RNF32: variants seen among roughly 807,000 people sequenced by gnomAD.
RNF32 encodes the protein ring finger protein 32.
RNF32 carries 36 observed loss-of-function variants against 41.0 expected under a neutral mutation model. That is an observed-to-expected ratio of 0.88 (90% CI 0.67 to 1.16). The LOEUF (loss-of-function observed/expected upper bound fraction) is 1.16. RNF32 is among the 50% of genes most tolerant of loss of function. RNF32 has a pLI of 0.00. For synonymous variants in RNF32, 154 were observed against 160.9 expected (o/e 0.96, Z 0.32); for missense variants, 413 against 436.7 (o/e 0.95, Z 0.48).
intron 4 of RNF32, among the ~76,000 whole-genome samples, chr7:156,656,542 G>C (rs942554910): frequency 6.6e-6 from 1 of 152,110 alleles, no homozygotes; most frequent in Non-Finnish European, 1.5e-5. Flanking sequence ...TTCAAGAAAA[G>C]GTTTTACAAC....
Position 156,657,546 on chromosome 7 carries a change from G to A in RNF32, c.423G>A (p.Leu141=). 6.2e-7 allele frequency: 1 copy of A among 1,614,162 alleles called. No individual in the cohort carries two copies. Among genetic ancestry groups the A allele is most frequent in the Non-Finnish European group, 8.5e-7 (1 of 1,180,002 alleles). ...TTCTGTTTCCTCATGAACAGGTGCTGCTTTCATGCTCCCATGTGTTCCACA... is the reference window on the plus strand; with the variant it reads ...TTCTGTTTCCTCATGAACAGGTGCTACTTTCATGCTCCCATGTGTTCCACA... ...KEEFELRPQV[L]LSCSHVFHKA... Residue 141 remains leucine (L), a synonymous_variant, in exon 5 of 9, where the codon CTG becomes CTA. Coordinates refer to ENST00000317955, the MANE Select transcript of RNF32 (RefSeq NM_030936.4).
intron 1 of RNF32, among the ~76,000 whole-genome samples, chr7:156,642,616 T>TA (rs1309473573): frequency 6.6e-6 from 1 of 152,236 alleles, no homozygotes; most frequent in Non-Finnish European, 1.5e-5. Context: ...CCAACCTGCT[T>TA]ATTCCAGTTC....
chr7:156,640,232 A>G (rs1480366815), upstream of RNF32: 2 of 449,056 alleles, frequency 4.5e-6, no homozygotes, highest in Non-Finnish European at 8.9e-6. Context: ...CCCCCAGAAA[A>G]CTGCCCTCGA....
At chr7:156,660,359 A>T in intron 7 of RNF32, 1 of 926,804 alleles carries the variant, frequency 1.1e-6, no homozygotes, top group South Asian at 5.0e-5. Context: ...TAGCTTGTAT[A>T]TTACAAATGT....
At chr7:156,667,211 G>A (rs1801465155) in intron 7 of RNF32, among the ~76,000 whole-genome samples, 1 of 152,150 alleles carries the variant, frequency 6.6e-6, no homozygotes, top group Non-Finnish European at 1.5e-5. Flanking sequence ...TAAATTCCAG[G>A]CTTTTCATTT....
chr7:156,643,024 C>T (rs1049667977), intron 1 of RNF32: 1 of 152,220 alleles, frequency 6.6e-6, no homozygotes. Context: ...TGTCCAAAAT[C>T]TAAAAGGGCC....
At chr7:156,676,162 G>C (rs1038691252) in intron 8 of RNF32, 1 of 1,135,978 alleles carries the variant, frequency 8.8e-7, no homozygotes, top group Middle Eastern at 2.9e-4. Context: ...TGAAATTCTG[G>C]AAGTTCCTGT....
At chr7:156,661,467 C>T (rs1464643732) in intron 7 of RNF32, among the ~76,000 whole-genome samples, 1 of 152,074 alleles carries the variant, frequency 6.6e-6, no homozygotes, top group Non-Finnish European at 1.5e-5. Context: ...TTACAGGCAC[C>T]CGCCATCATG....
intron 7 of RNF32, among the ~76,000 whole-genome samples, chr7:156,663,201 T>C (rs1234909605): frequency 1.3e-5 from 2 of 152,200 alleles, no homozygotes; most frequent in African/African-American, 4.8e-5. Flanking sequence ...CATTAAAAAC[T>C]ATGTGTCAAA....
rs1484127022 is a variant in RNF32 at position 156,669,087 on chromosome 7, T to C, written c.685-6609T>C. ...TAGACTCAACTGCATGAAAAGTCTA[T>C]GCGAACTGCTTTCATGGACTGGCAC... On this transcript the variant is annotated intron_variant, in intron 7 of 8. Transcript: ENST00000317955. The surrounding 1 kb of genome is among the most constrained non-coding windows in gnomAD (Gnocchi z 4.2). 2.0e-5 allele frequency: 3 copies of C among 152,218 alleles called. No homozygotes were observed. Among genetic ancestry groups the C allele is most frequent in the Non-Finnish European group, 4.4e-5 (3 of 68,032 alleles). The allele number at this position is 152,218 out of a possible 1,614,324, so 9.4% of individuals were successfully genotyped here.
At chr7:156,650,485 G>T (rs1798573076) in intron 3 of RNF32, among the ~76,000 whole-genome samples, 1 of 152,206 alleles carries the variant, frequency 6.6e-6, no homozygotes. Flanking sequence ...TGCTGGACGT[G>T]CTATTGATTT....
chr7:156,644,808 TATTGAG>T (rs1282049801), intron 3 of RNF32, 51 bp downstream of exon 3: 1 of 1,537,526 alleles, frequency 6.5e-7, no homozygotes, highest in Non-Finnish European at 8.8e-7. Context: ...TAAAAAAATC[TATTGAG>T]ATTAATAGTA....
At chr7:156,671,033 T>A (rs548897120) in intron 7 of RNF32, among the ~76,000 whole-genome samples, 4 of 152,326 alleles carry the variant, frequency 2.6e-5, no homozygotes, top group Non-Finnish European at 5.9e-5. Context: ...GATCCTTGTA[T>A]TGGTTCGAGG....
intron 3 of RNF32, among the ~76,000 whole-genome samples, chr7:156,648,337 ACTT>A (rs1005730461): frequency 6.6e-6 from 1 of 152,068 alleles, no homozygotes; most frequent in African/African-American, 2.4e-5. Context: ...CTTCCTCTGA[ACTT>A]CTGCTAACAA....
chr7:156,668,676 C>T (rs759291291), intron 7 of RNF32, among the ~76,000 whole-genome samples: 8 of 152,240 alleles, frequency 5.3e-5, no homozygotes, highest in Non-Finnish European at 7.3e-5. Flanking sequence ...CACAGCAGCA[C>T]GCTTTCCATC....
intron 7 of RNF32, among the ~76,000 whole-genome samples, chr7:156,668,576 T>A (rs1014076992): frequency 6.6e-6 from 1 of 152,230 alleles, no homozygotes. Flanking sequence ...CCCGTCCCAC[T>A]GGCTGCATCT....
chr7:156,658,826 TTTTGTGC>T, intron 7 of RNF32: 1 of 1,345,968 alleles, frequency 7.4e-7, no homozygotes, highest in South Asian at 1.3e-5. Context: ...TGTTTGGCCA[TTTTGTGC>T]TAATTGTTTA....
rs1802095967 is a variant in RNF32 at position 156,669,895 on chromosome 7, G to GCGGT, written c.685-5799_685-5796dup. On this transcript the variant is annotated intron_variant, in intron 7 of 8. Coordinates refer to ENST00000317955, the MANE Select transcript of RNF32 (RefSeq NM_030936.4). The surrounding 1 kb of genome is among the most constrained non-coding windows in gnomAD (Gnocchi z 4.2). ...TCTGTTCCAGGTGACAGGAGGGCGG[G>GCGGT]CGGTCATGGCCTAGTGCCATGAAAA... Among the ~76,000 whole-genome samples, 1 of 152,170 alleles carries GCGGT rather than the reference G, an allele frequency of 6.6e-6. No individual in the cohort carries two copies. The highest frequency in any genetic ancestry group is 1.5e-5 in the Non-Finnish European group (1 of 68,036).
chr7:156,642,455 C>T (rs1303596954), intron 1 of RNF32, among the ~76,000 whole-genome samples: 2 of 152,228 alleles, frequency 1.3e-5, no homozygotes, highest in South Asian at 2.1e-4. Flanking sequence ...TCTGAAGCAC[C>T]TCCCCCTACC....
Sources: gnomAD v4.1 joint callset for allele counts (sites outside exome capture counted in the v4.1 genomes callset) on GRCh38, gnomAD v4.1.1 for gene constraint, Gnocchi (gnomAD v3.1) non-coding constraint, MANE v1.5 for transcripts, NCBI Gene and HGNC (gene_info 2026-07-23, HGNC 2026-07-21) for gene names.